Variants in OXSR1 observed in about 807,000 individuals in gnomAD.
The protein encoded by OXSR1 is serine/threonine-protein kinase OSR1.
OXSR1 carries 24 observed loss-of-function variants against 79.8 expected under a neutral mutation model. The observed-to-expected ratio is 0.30, with a 90% CI of 0.22 to 0.42. The LOEUF (loss-of-function observed/expected upper bound fraction) is 0.42, where lower values mean the gene tolerates loss of function less well. Ranked by LOEUF, OXSR1 falls within the 10% of genes least tolerant of loss-of-function variation. OXSR1 has a pLI of 1.00. For synonymous variants in OXSR1, 226 were observed against 209.2 expected, an observed-to-expected ratio of 1.08 and a Z score of -0.69; for missense variants, 430 against 618.4, an observed-to-expected ratio of 0.70 and a Z score of 3.23.
chr3:38,178,102 C>T (rs1370999810), intron 1 of OXSR1, among the ~76,000 whole-genome samples: 4 of 151,898 alleles, frequency 2.6e-5, no homozygotes, highest in African/African-American at 9.7e-5. Flanking sequence ...ATGTGTGCGA[C>T]GACACCCAGC....
At chr3:38,222,115 C>T (rs903475471) in intron 6 of OXSR1, among the ~76,000 whole-genome samples, 2 of 152,120 alleles carry the variant, frequency 1.3e-5, no homozygotes, top group African/African-American at 2.4e-5. Context: ...GTTTTAATCA[C>T]CTGTATTCAC....
intron 4 of OXSR1, among the ~76,000 whole-genome samples, chr3:38,212,827 G>T (rs1432479042): frequency 1.3e-5 from 2 of 152,204 alleles, no homozygotes; most frequent in African/African-American, 2.4e-5. Context: ...CTTTGTGGCA[G>T]AGTAAAAAAG....
chr3:38,251,402 G>T lies in OXSR1; in HGVS notation c.1376-1G>T. On this transcript the variant is annotated splice_acceptor_variant, in intron 15 of 17. Coordinates refer to ENST00000311806, the MANE Select transcript of OXSR1 (RefSeq NM_005109.3). LOFTEE classifies it high-confidence loss of function. ...GAGCACTGTCTTCTTTGTCCTTGCAGATACAGCAGAGGGTGTCTCTCAGGA... is the reference window on the plus strand; with the variant it reads ...GAGCACTGTCTTCTTTGTCCTTGCATATACAGCAGAGGGTGTCTCTCAGGA... 1 of 1,613,044 alleles carries T rather than the reference G, an allele frequency of 6.2e-7. No individual in the cohort carries two copies. The highest frequency in any genetic ancestry group is 2.2e-5 in the East Asian group (1 of 44,870).
chr3:38,192,395 T>A (rs1387904449), intron 3 of OXSR1, among the ~76,000 whole-genome samples: 1 of 152,214 alleles, frequency 6.6e-6, no homozygotes, highest in Non-Finnish European at 1.5e-5. Context: ...GAATGGTACT[T>A]AGAAAGCATA....
rs900019822 is a variant in OXSR1 at position 38,165,774 on chromosome 3, C to CGCG, written c.-85_-83dup. 518 of 1,008,790 alleles carry CGCG rather than the reference C, an allele frequency of 5.1e-4. No homozygotes were observed. The highest frequency in any genetic ancestry group is 2.1e-3 in the Admixed American group (98 of 47,574). The allele number at this position is 1,008,790 out of a possible 1,614,324, so 62.5% of individuals were successfully genotyped here. A position where few individuals can be genotyped will look rare whatever the true frequency, so the allele number is the denominator to read the frequency against. ...GCTGTTCCGAGACGATTGGTGGGGGCGCGGCGGCGGCGGCGGCGGCTGTTG... is the reference window on the plus strand; with the variant it reads ...GCTGTTCCGAGACGATTGGTGGGGGCGCGGCGGCGGCGGCGGCGGCGGCTGTTG... On this transcript the variant is annotated 5_prime_UTR_variant, in exon 1 of 18. Transcript: ENST00000311806.
chr3:38,235,817 CAAGAT>C (rs1172531352), intron 10 of OXSR1, among the ~76,000 whole-genome samples: 2 of 152,156 alleles, frequency 1.3e-5, no homozygotes, highest in African/African-American at 4.8e-5. Flanking sequence ...AAGATGGAAT[CAAGAT>C]AAGTTCAGAA....
At chr3:38,179,977 T>A (rs941571468) in intron 1 of OXSR1, among the ~76,000 whole-genome samples, 8 of 152,086 alleles carry the variant, frequency 5.3e-5, no homozygotes, top group Non-Finnish European at 1.0e-4. Context: ...CCCGGCTAAT[T>A]TTTGTATTTT....
At chr3:38,191,986 A>G (rs940925735) in intron 3 of OXSR1, among the ~76,000 whole-genome samples, 1 of 152,206 alleles carries the variant, frequency 6.6e-6, no homozygotes, top group Non-Finnish European at 1.5e-5. Flanking sequence ...TGAAAAGGCA[A>G]GATAAATAAT....
chr3:38,205,085 G>C (rs1345583003), intron 4 of OXSR1, among the ~76,000 whole-genome samples: 2 of 152,080 alleles, frequency 1.3e-5, no homozygotes, highest in Non-Finnish European at 2.9e-5. Context: ...GCGTTCTGCT[G>C]TGGCAGAGCA....
At chr3:38,205,860 G>T (rs1442883878) in intron 4 of OXSR1, among the ~76,000 whole-genome samples, 1 of 152,152 alleles carries the variant, frequency 6.6e-6, no homozygotes, top group East Asian at 1.9e-4. Flanking sequence ...AGCATAAAAG[G>T]TTTCTCAGGT....
intron 11 of OXSR1, among the ~76,000 whole-genome samples, chr3:38,240,642 G>C (rs1352013542): frequency 6.6e-6 from 1 of 151,426 alleles, no homozygotes; most frequent in African/African-American, 2.4e-5. Context: ...GGCTTGGGCA[G>C]GGAAAATATA....
intron 3 of OXSR1, among the ~76,000 whole-genome samples, chr3:38,194,335 A>G (rs1174256551): frequency 6.6e-6 from 1 of 152,140 alleles, no homozygotes; most frequent in Non-Finnish European, 1.5e-5. Context: ...GGATTGCTTT[A>G]GGCCAGGAGT....
chr3:38,174,034 A>G (rs1701632998), intron 1 of OXSR1, among the ~76,000 whole-genome samples: 1 of 152,236 alleles, frequency 6.6e-6, no homozygotes, highest in African/African-American at 2.4e-5. Context: ...GACAACAAGA[A>G]CAAAGGTTCT....
At chr3:38,197,960 GT>G (rs1364807026) in intron 3 of OXSR1, among the ~76,000 whole-genome samples, 2 of 152,134 alleles carry the variant, frequency 1.3e-5, no homozygotes, top group Admixed American at 6.5e-5. Flanking sequence ...TTCTGTGATT[GT>G]TATGGGCCAT....
chr3:38,216,551 AT>A (rs1559516296), intron 5 of OXSR1, among the ~76,000 whole-genome samples: 1 of 152,152 alleles, frequency 6.6e-6, no homozygotes, highest in Non-Finnish European at 1.5e-5. Context: ...GTATTTGTCA[AT>A]TAGGAAAAAG....
At chr3:38,233,040 A>G (rs1020630555) in intron 10 of OXSR1, among the ~76,000 whole-genome samples, 1 of 152,122 alleles carries the variant, frequency 6.6e-6, no homozygotes, top group African/African-American at 2.4e-5. Context: ...AGATTGGTTG[A>G]CAATCTTAAG....
intron 4 of OXSR1, among the ~76,000 whole-genome samples, chr3:38,211,191 C>T (rs1370286811): frequency 6.6e-6 from 1 of 152,138 alleles, no homozygotes; most frequent in Non-Finnish European, 1.5e-5. Context: ...ACAGTATGTA[C>T]CTCACTTGGG....
intron 1 of OXSR1, among the ~76,000 whole-genome samples, chr3:38,178,616 ATATATTTTTTTT>A (rs1286974103): frequency 2.3e-4 from 20 of 88,014 alleles, no homozygotes; most frequent in African/African-American, 1.1e-3. Context: ...ATATATATAT[ATATATTTTTTTT>A]TTTTTTTTTT....
intron 1 of OXSR1, among the ~76,000 whole-genome samples, chr3:38,166,789 CAAAAAAAAAA>C (rs915290107): frequency 9.4e-5 from 6 of 63,824 alleles, no homozygotes; most frequent in African/African-American, 3.9e-4. Context: ...GACTCTGACT[CAAAAAAAAAA>C]AAAAAAAAAA....
Sources: allele counts gnomAD v4.1 joint callset (sites outside exome capture counted in the v4.1 genomes callset), GRCh38; gene constraint gnomAD v4.1.1; transcripts MANE v1.5; gene names NCBI Gene and HGNC (gene_info 2026-07-23, HGNC 2026-07-21).